The following OSBPL1A variants were observed in gnomAD, a reference collection of about 807,000 sequenced individuals.
OSBPL1A encodes the protein oxysterol binding protein like 1A, also known as oxysterol-binding protein-related protein 1.
A neutral mutation model predicts 137.1 loss-of-function variants in OSBPL1A; 80 were observed. That is an observed-to-expected ratio of 0.58 (90% CI 0.49 to 0.70). The LOEUF (loss-of-function observed/expected upper bound fraction) is 0.70. OSBPL1A is among the 30% of genes least tolerant of loss of function. The pLI is 0.00. For missense variants in OSBPL1A, 970 were observed against 1,129.4 expected (o/e 0.86, Z 2.02); for synonymous variants, 365 against 389.7 (o/e 0.94, Z 0.75).
At chr18:24,256,186 G>C (rs778658438) in intron 15 of OSBPL1A, among the ~76,000 whole-genome samples, 2 of 152,074 alleles carry the variant, frequency 1.3e-5, no homozygotes, top group Non-Finnish European at 2.9e-5. Context: ...GAAAACTACA[G>C]GCCAATATTC....
intron 1 of OSBPL1A, among the ~76,000 whole-genome samples, chr18:24,397,129 T>C (rs1181043313): frequency 6.6e-6 from 1 of 152,174 alleles, no homozygotes; most frequent in Non-Finnish European, 1.5e-5. Flanking sequence ...GATAAGTGAA[T>C]TGTTAAAGTC....
At chr18:24,164,166 C>G (rs1253089051) in intron 27 of OSBPL1A, among the ~76,000 whole-genome samples, 1 of 152,120 alleles carries the variant, frequency 6.6e-6, no homozygotes, top group Admixed American at 6.5e-5. Context: ...CCATGCTACA[C>G]ATAATCCAAA....
intron 14 of OSBPL1A, among the ~76,000 whole-genome samples, chr18:24,281,253 T>G (rs1250259687): frequency 2.6e-5 from 4 of 151,884 alleles, no homozygotes; most frequent in Admixed American, 2.6e-4. Context: ...GCCCAGCTAA[T>G]TTTTGTATTT....
At chr18:24,353,706 G>A (rs1338560990) in intron 4 of OSBPL1A, among the ~76,000 whole-genome samples, 2 of 151,550 alleles carry the variant, frequency 1.3e-5, no homozygotes, top group Non-Finnish European at 2.9e-5. Flanking sequence ...AAGAAAATGT[G>A]GCACATATAC....
chr18:24,232,757 A>G (rs188712964), intron 16 of OSBPL1A, among the ~76,000 whole-genome samples: 5 of 152,328 alleles, frequency 3.3e-5, no homozygotes, highest in South Asian at 4.1e-4. Context: ...TAATAAGTCA[A>G]CATTTACTAA....
intron 16 of OSBPL1A, among the ~76,000 whole-genome samples, chr18:24,231,367 A>G (rs2088272078): frequency 6.6e-6 from 1 of 152,152 alleles, no homozygotes. Flanking sequence ...ATCTCAGTTC[A>G]CTGCAACCTC....
rs1567911451 is a variant in OSBPL1A at position 24,165,100 on chromosome 18, T to A, written c.2715A>T (p.Lys905Asn). Residue 905 changes from lysine to asparagine, a missense_variant, in exon 27 of 28, where the codon AAA (lysine) becomes AAT (asparagine). Coordinates refer to ENST00000319481, the MANE Select transcript of OSBPL1A (RefSeq NM_080597.4). ...AGTCCTCTTCTGACTTGGACCTGTT[T>A]TTGCGGGCTGCTCTTTGTTTTTCCT... ...RLEEKQRAAR[K>N]NRSKSEEDWK... 6.2e-7 allele frequency: 1 copy of A among 1,614,082 alleles called. No homozygotes were observed.
chr18:24,231,854 T>A (rs943769159), intron 16 of OSBPL1A, among the ~76,000 whole-genome samples: 25 of 152,210 alleles, frequency 1.6e-4, no homozygotes, highest in African/African-American at 5.8e-4. Flanking sequence ...GTTCACAATA[T>A]AAACATGCCA....
At chr18:24,390,713 A>G (rs1220791292) in intron 1 of OSBPL1A, among the ~76,000 whole-genome samples, 2 of 151,074 alleles carry the variant, frequency 1.3e-5, no homozygotes, top group Non-Finnish European at 2.9e-5. Flanking sequence ...AAAAAAAAAA[A>G]AAAAAAAAAG....
chr18:24,207,026 G>A (rs995316325), intron 17 of OSBPL1A, among the ~76,000 whole-genome samples: 1 of 152,094 alleles, frequency 6.6e-6, no homozygotes, highest in Non-Finnish European at 1.5e-5. Flanking sequence ...CTCAAGTTAC[G>A]ATGGAGCCAA....
chr18:24,373,059 A>G (rs1389425974), intron 2 of OSBPL1A, among the ~76,000 whole-genome samples: 1 of 152,068 alleles, frequency 6.6e-6, no homozygotes, highest in African/African-American at 2.4e-5. Flanking sequence ...GAGCAAGACT[A>G]TGTCTCAAAA....
intron 16 of OSBPL1A, among the ~76,000 whole-genome samples, chr18:24,229,504 A>T (rs1567961196): frequency 6.6e-6 from 1 of 152,212 alleles, no homozygotes; most frequent in Non-Finnish European, 1.5e-5. Context: ...CATTCTTGAG[A>T]GATTATACCT....
chr18:24,234,801 C>CT (rs535621902), intron 16 of OSBPL1A, among the ~76,000 whole-genome samples: 7 of 151,278 alleles, frequency 4.6e-5, no homozygotes, highest in East Asian at 3.9e-4. Context: ...GTTGAAAAAT[C>CT]TTTTTTTTTC....
At chr18:24,317,110 TCA>T (rs2090750543) in intron 11 of OSBPL1A, 37 bp downstream of exon 11, 1 of 1,602,274 alleles carries the variant, frequency 6.2e-7, no homozygotes, top group Non-Finnish European at 8.5e-7. Context: ...AGAACTGATT[TCA>T]CAGTTAGAGG....
At chr18:24,289,667 G>A (rs747618560) in intron 14 of OSBPL1A, among the ~76,000 whole-genome samples, 5 of 151,860 alleles carry the variant, frequency 3.3e-5, no homozygotes, top group Non-Finnish European at 5.9e-5. Context: ...GTGATCTGCC[G>A]CCTCAGCCTC....
intron 7 of OSBPL1A, among the ~76,000 whole-genome samples, chr18:24,331,263 G>A (rs1396468202): frequency 6.6e-6 from 1 of 152,186 alleles, no homozygotes; most frequent in African/African-American, 2.4e-5. Context: ...AAATACCATG[G>A]GGTGTGATTT....
intron 4 of OSBPL1A, among the ~76,000 whole-genome samples, chr18:24,359,657 A>G (rs183358509): frequency 1.1e-4 from 17 of 152,268 alleles, no homozygotes; most frequent in Admixed American, 2.6e-4. Context: ...AGCATGGGTG[A>G]AAGAGTGAGA....
intron 13 of OSBPL1A, among the ~76,000 whole-genome samples, chr18:24,304,364 G>T (rs767575445): frequency 1.7e-4 from 26 of 152,166 alleles, no homozygotes; most frequent in Non-Finnish European, 2.5e-4. Flanking sequence ...CTTGATGAAA[G>T]TTACATCCCA....
At position 24,178,077 on chromosome 18, in the gene OSBPL1A, G is replaced by A; in HGVS notation, c.2029C>T (p.Leu677=). ...FIFHGSIYPK[L]KFWGKSVEAE... ...TCTACACTCTTCCCCCAGAATTTCA[G>A]TTTGGGATAGATAGAGCCATGAAAG... Residue 677 remains leucine, a synonymous_variant, in exon 21 of 28, where the codon CTG becomes TTG. Transcript: ENST00000319481. The A allele has an allele frequency of 6.2e-7, 1 of 1,613,764 alleles. No homozygotes were observed. The highest frequency in any genetic ancestry group is 8.5e-7 in the Non-Finnish European group (1 of 1,179,814).
Sources: allele counts gnomAD v4.1 joint callset (sites outside exome capture counted in the v4.1 genomes callset), GRCh38; gene constraint gnomAD v4.1.1; transcripts MANE v1.5; gene names NCBI Gene and HGNC (gene_info 2026-07-23, HGNC 2026-07-21).